ACOT12: variants seen among roughly 807,000 people sequenced by gnomAD.
ACOT12 encodes acetyl-coenzyme A thioesterase.
Under a neutral mutation model 67.7 loss-of-function variants are expected in ACOT12, and 51 were observed. That is an observed-to-expected ratio of 0.75 (90% CI 0.60 to 0.95). The LOEUF (loss-of-function observed/expected upper bound fraction) is 0.95. Among genes scored for constraint, ACOT12 ranks in the 40% least tolerant of loss-of-function variants. ACOT12 has a pLI of 0.00. For synonymous variants in ACOT12, 251 were observed against 244.6 expected (o/e 1.03, Z -0.24); for missense variants, 734 against 708.1 (o/e 1.04, Z -0.41).
At chr5:81,338,061 A>G (rs1030396978) in intron 11 of ACOT12, among the ~76,000 whole-genome samples, 1 of 152,206 alleles carries the variant, frequency 6.6e-6, no homozygotes, top group East Asian at 1.9e-4. Context: ...TGCTGTATAA[A>G]TCAATGATAT....
chr5:81,358,498 G>A (rs888174473), intron 5 of ACOT12, among the ~76,000 whole-genome samples: 5 of 152,122 alleles, frequency 3.3e-5, no homozygotes, highest in East Asian at 1.9e-4. Flanking sequence ...CTTTATAAAC[G>A]GAGACTTGCT....
At chr5:81,345,283 G>A (rs1481422716) in intron 7 of ACOT12, among the ~76,000 whole-genome samples, 1 of 152,112 alleles carries the variant, frequency 6.6e-6, no homozygotes, top group Non-Finnish European at 1.5e-5. Flanking sequence ...CCACTTTCAA[G>A]TGGGAAAAAG....
the ACOT12 span, among the ~76,000 whole-genome samples, chr5:81,324,001 G>A: frequency 6.6e-6 from 1 of 151,464 alleles, no homozygotes; most frequent in Non-Finnish European, 1.5e-5. Flanking sequence ...GAGTGCAGTG[G>A]TGCGATCTTG....
intron 2 of ACOT12, among the ~76,000 whole-genome samples, chr5:81,373,978 G>C (rs1347053256): frequency 6.6e-6 from 1 of 152,146 alleles, no homozygotes; most frequent in Non-Finnish European, 1.5e-5. Flanking sequence ...CACAGCGTCC[G>C]AGCTCTGATA....
intron 2 of ACOT12, among the ~76,000 whole-genome samples, chr5:81,375,695 T>C (rs947685020): frequency 3.3e-5 from 5 of 151,018 alleles, no homozygotes; most frequent in African/African-American, 4.9e-5. Context: ...GCATCCTAGT[T>C]TCTGATAAAA....
chr5:81,311,943 C>CTT, the ACOT12 span, among the ~76,000 whole-genome samples: 26,383 of 151,984 alleles, frequency 0.17, 2,589 homozygotes, highest in Admixed American at 0.27. Context: ...GGAAAGAGCA[C>CTT]TTTTTTTTAT....
chr5:81,361,785 C>T (rs1012094573), intron 4 of ACOT12, among the ~76,000 whole-genome samples: 3 of 152,242 alleles, frequency 2.0e-5, no homozygotes, highest in African/African-American at 7.2e-5. Context: ...TGGAGTCTTG[C>T]AAGTCCCTTC....
chr5:81,318,884 GC>G, the ACOT12 span, among the ~76,000 whole-genome samples: 1 of 152,198 alleles, frequency 6.6e-6, no homozygotes, highest in Non-Finnish European at 1.5e-5. Flanking sequence ...CCAGAGAACT[GC>G]CAAGCAGGAA....
At chr5:81,318,236 C>T in the ACOT12 span, among the ~76,000 whole-genome samples, 1 of 152,106 alleles carries the variant, frequency 6.6e-6, no homozygotes, top group Non-Finnish European at 1.5e-5. Context: ...GGGAATCCAA[C>T]ATCATGTTTT....
At chr5:81,325,535 G>A (rs1255812713), downstream of ACOT12, among the ~76,000 whole-genome samples, 4 of 152,114 alleles carry the variant, frequency 2.6e-5, no homozygotes, top group Non-Finnish European at 5.9e-5. Context: ...GATGGACCAC[G>A]GAATCTAAGC....
rs754405590 is a variant in ACOT12 at position 81,347,917 on chromosome 5, A to T, written c.510T>A (p.Asp170Glu). Residue 170 changes from aspartate (D) to glutamate (E), a missense_variant, in exon 6 of 15, where the codon GAT becomes GAA. Transcript: ENST00000307624. ...TTGTGGAAACCGCTCCTTCCTCTTCATCAAAAATGAGATCTGAAAGGTGGA... is the reference window on the plus strand; with the variant it reads ...TTGTGGAAACCGCTCCTTCCTCTTCTTCAAAAATGAGATCTGAAAGGTGGA... ...ESSKFDDLIF[D>E]EEEGAVSTRG... 2 of 1,613,498 alleles carry T rather than the reference A, an allele frequency of 1.2e-6. No individual in the cohort carries two copies. The highest frequency in any genetic ancestry group is 1.7e-5 in the Admixed American group (1 of 59,952).
intron 4 of ACOT12, among the ~76,000 whole-genome samples, chr5:81,360,696 G>A (rs1759878023): frequency 6.6e-6 from 1 of 151,870 alleles, no homozygotes; most frequent in Admixed American, 6.6e-5. Flanking sequence ...AAGCTGGACT[G>A]GGGTAGCTCC....
the ACOT12 span, chr5:81,313,157 G>A: frequency 2.6e-5 from 4 of 152,076 alleles, no homozygotes; most frequent in African/African-American, 9.7e-5. Flanking sequence ...ATATTTTTGT[G>A]TATAATTTTT....
the ACOT12 span, among the ~76,000 whole-genome samples, chr5:81,321,643 A>G: frequency 4.6e-5 from 7 of 152,216 alleles, no homozygotes; most frequent in African/African-American, 1.7e-4. Flanking sequence ...TTTTAATTTT[A>G]GGTCAAAAAA....
chr5:81,360,825 C>T (rs532954202), intron 4 of ACOT12, among the ~76,000 whole-genome samples: 1 of 152,158 alleles, frequency 6.6e-6, no homozygotes, highest in South Asian at 2.1e-4. Context: ...CTTTGTGGGG[C>T]TGAGGTGGGT....
chr5:81,350,720 C>A (rs1759526722), intron 5 of ACOT12, among the ~76,000 whole-genome samples: 1 of 152,264 alleles, frequency 6.6e-6, no homozygotes, highest in African/African-American at 2.4e-5. Flanking sequence ...TTCTGAGGAT[C>A]CAAATCTTCA....
At chr5:81,354,895 G>C (rs1030420657) in intron 5 of ACOT12, among the ~76,000 whole-genome samples, 5 of 151,808 alleles carry the variant, frequency 3.3e-5, no homozygotes, top group African/African-American at 1.2e-4. Flanking sequence ...GTAGAGACAG[G>C]GTTTCACCAT....
Position 81,345,734 on chromosome 5 carries a change from AGG to A in ACOT12, c.773+149_773+150del. 2.9e-6 allele frequency: 3 copies of A among 1,043,266 alleles called. No homozygotes were observed. The South Asian group carries it at 4.8e-5, about 17-fold the overall frequency. 64.6% of individuals were successfully genotyped at this position (1,043,266 alleles called of 1,614,324 possible). A position where few individuals can be genotyped will look rare whatever the true frequency, so the allele number is the denominator to read the frequency against. On this transcript the variant is annotated intron_variant, in intron 7 of 14. Coordinates refer to ENST00000307624, the MANE Select transcript of ACOT12 (RefSeq NM_130767.3). ...TGTGAAAAGGCCCCAAGCAGAACAA[AGG>A]GTTAAAAATATGTTCATGGATTTTG...
At chr5:81,360,080 T>A in intron 4 of ACOT12, 42 bp from the exon 5 acceptor site, 1 of 1,572,882 alleles carries the variant, frequency 6.4e-7, no homozygotes. Context: ...CCTTGTTAAA[T>A]TATAAAAGCA....
Sources: gnomAD v4.1 joint callset for allele counts (sites outside exome capture counted in the v4.1 genomes callset) on GRCh38, gnomAD v4.1.1 for gene constraint, MANE v1.5 for transcripts, NCBI Gene and HGNC (gene_info 2026-07-23, HGNC 2026-07-21) for gene names.